The following TMEM74 variants were observed in gnomAD, a reference collection of about 807,000 sequenced individuals.
TMEM74 encodes transmembrane protein 74.
Under a neutral mutation model 18.1 loss-of-function variants are expected in TMEM74, and 13 were observed. The ratio of observed to expected loss-of-function variants is 0.72; its 90% CI spans 0.47 to 1.14. The LOEUF (loss-of-function observed/expected upper bound fraction) is 1.14, where lower values mean the gene tolerates loss of function less well. Ranked by LOEUF, TMEM74 falls within the 50% of genes most tolerant of loss-of-function variation. The probability of loss-of-function intolerance (pLI) is 0.00; values close to 1 mark genes in which losing one functional copy is unlikely to be tolerated. For missense variants in TMEM74, 372 were observed against 375.9 expected (o/e 0.99, Z 0.09); for synonymous variants, 159 against 146.6 (o/e 1.08, Z -0.61).
chr8:108,730,128 CATGAGCCTGCT>C (rs1813679168), intron 1 of TMEM74, among the ~76,000 whole-genome samples: 1 of 152,180 alleles, frequency 6.6e-6, no homozygotes, highest in Admixed American at 6.5e-5. Context: ...TCAGGGTTGG[CATGAGCCTGCT>C]AGTCTTTCTG....
At chr8:108,667,353 C>T (rs190950508) in intron 1 of TMEM74, among the ~76,000 whole-genome samples, 44 of 152,110 alleles carry the variant, frequency 2.9e-4, no homozygotes, top group African/African-American at 7.2e-4. Context: ...TGTATTTTCC[C>T]GTCATATGAT....
chr8:108,664,973 A>C (rs1420808804), intron 1 of TMEM74, among the ~76,000 whole-genome samples: 1 of 152,102 alleles, frequency 6.6e-6, no homozygotes, highest in Non-Finnish European at 1.5e-5. Context: ...GATTACAAGG[A>C]GATCAAGTGA....
rs767768892 is a variant in TMEM74, at chr8:108,784,394, C to G, written c.705G>C (p.Gly235=). ...CGCCCCCCAGCGTGAGGAGGCAGAG[C>G]CCCGCAATCACACAGCGGTCCAGGT... is the stretch of plus-strand genomic sequence containing the variant. The part of the protein sequence containing the change: ...GAHLDRCVIA[G]LCLLTLGGVI... Residue 235 remains glycine (G), a synonymous_variant, in exon 2 of 2, where the codon GGG becomes GGC. Coordinates refer to ENST00000297459, the MANE Select transcript of TMEM74 (RefSeq NM_153015.3). 2.0e-5 allele frequency: 32 copies of G among 1,613,972 alleles called. No homozygotes were observed. The highest frequency in any genetic ancestry group is 2.6e-5 in the Non-Finnish European group (31 of 1,180,036).
Position 108,740,821 on chromosome 8 carries a change from A to C in TMEM74, n.119+46655T>G, listed in dbSNP as rs200707228. Among the ~76,000 whole-genome samples, 5 of 152,124 alleles carry C rather than the reference A, an allele frequency of 3.3e-5. No homozygotes were observed. The East Asian group carries it at 9.7e-4, about 29-fold the overall frequency. Reference sequence around the variant, plus strand: ...AGCTGAACATGTGTCTACCCTAAAAACCAATAAGTTCTTGTCTATGATTTG... The same window carrying C: ...AGCTGAACATGTGTCTACCCTAAAACCCAATAAGTTCTTGTCTATGATTTG... On this transcript the variant is annotated intron_variant and non_coding_transcript_variant, in intron 1 of 3. Coordinates refer to the TMEM74 transcript ENST00000518838.
At chr8:108,618,475 AG>A (rs1812407764) in intron 2 of TMEM74, among the ~76,000 whole-genome samples, 2 of 152,312 alleles carry the variant, frequency 1.3e-5, no homozygotes, top group Middle Eastern at 3.4e-3. Context: ...ACCACATGAT[AG>A]ACAATCATAA....
chr8:108,646,144 T>A (rs1289515080), intron 2 of TMEM74, among the ~76,000 whole-genome samples: 1 of 149,738 alleles, frequency 6.7e-6, no homozygotes, highest in African/African-American at 2.5e-5. Context: ...GCTCAAGAAA[T>A]ATTTGTTAAA....
intron 1 of TMEM74, among the ~76,000 whole-genome samples, chr8:108,695,605 G>A (rs1773113831): frequency 6.6e-6 from 1 of 152,136 alleles, no homozygotes; most frequent in Non-Finnish European, 1.5e-5. Context: ...GCTGAGCCAG[G>A]AAACTGAATT....
At chr8:108,665,910 G>C (rs1812944703) in intron 1 of TMEM74, among the ~76,000 whole-genome samples, 1 of 152,162 alleles carries the variant, frequency 6.6e-6, no homozygotes, top group Non-Finnish European at 1.5e-5. Flanking sequence ...ATATATGAAA[G>C]ACAGGGGTAA....
At chr8:108,771,243 T>G (rs1238271894) in intron 1 of TMEM74, among the ~76,000 whole-genome samples, 1 of 152,194 alleles carries the variant, frequency 6.6e-6, no homozygotes, top group Non-Finnish European at 1.5e-5. Context: ...TTAACCTCTC[T>G]ACACTTCAAT....
chr8:108,741,948 A>G (rs1027767879), intron 1 of TMEM74, among the ~76,000 whole-genome samples: 1 of 152,230 alleles, frequency 6.6e-6, no homozygotes, highest in Non-Finnish European at 1.5e-5. Context: ...CAAATATACC[A>G]TGAAATACTA....
chr8:108,733,304 T>TG (rs1434463441), intron 1 of TMEM74, among the ~76,000 whole-genome samples: 8 of 152,060 alleles, frequency 5.3e-5, no homozygotes, highest in African/African-American at 1.4e-4. Context: ...CCTCATGCAG[T>TG]GGAAAAGCCA....
chr8:108,766,688 C>T (rs989190710), intron 1 of TMEM74, among the ~76,000 whole-genome samples: 2 of 152,082 alleles, frequency 1.3e-5, no homozygotes, highest in South Asian at 2.1e-4. Flanking sequence ...CTCACACAAT[C>T]GCAAGGTAAA....
chr8:108,673,597 G>T (rs1029012493), intron 1 of TMEM74, among the ~76,000 whole-genome samples: 1 of 152,194 alleles, frequency 6.6e-6, no homozygotes, highest in South Asian at 2.1e-4. Flanking sequence ...ACAGGAGCAC[G>T]TATTTTGGAG....
intron 1 of TMEM74, among the ~76,000 whole-genome samples, chr8:108,701,420 G>A (rs1813333646): frequency 1.3e-5 from 2 of 152,054 alleles, no homozygotes; most frequent in South Asian, 4.1e-4. Context: ...AAGAAATAAG[G>A]TTTACAGATT....
At chr8:108,760,224 G>A (rs1417315244) in intron 1 of TMEM74, among the ~76,000 whole-genome samples, 3 of 151,800 alleles carry the variant, frequency 2.0e-5, no homozygotes, top group African/African-American at 7.3e-5. Flanking sequence ...ATGACATTCA[G>A]AGCACTTTGA....
At chr8:108,705,559 T>C (rs748929462) in intron 1 of TMEM74, among the ~76,000 whole-genome samples, 30 of 152,218 alleles carry the variant, frequency 2.0e-4, no homozygotes, top group African/African-American at 5.8e-4. Flanking sequence ...GAACAGAATG[T>C]GGGATGGATC....
At chr8:108,634,128 C>T (rs1020944054) in intron 2 of TMEM74, among the ~76,000 whole-genome samples, 5 of 151,854 alleles carry the variant, frequency 3.3e-5, no homozygotes, top group Admixed American at 6.6e-5. Flanking sequence ...GGGCACAGAA[C>T]ACAAAGCAGT....
At chr8:108,639,681 C>T (rs1017574669) in intron 2 of TMEM74, among the ~76,000 whole-genome samples, 1 of 152,046 alleles carries the variant, frequency 6.6e-6, no homozygotes, top group Non-Finnish European at 1.5e-5. Context: ...ATAAATCTGA[C>T]CCCATATAAT....
intron 1 of TMEM74, among the ~76,000 whole-genome samples, chr8:108,759,888 C>G (rs994004381): frequency 6.6e-6 from 1 of 152,056 alleles, no homozygotes; most frequent in East Asian, 1.9e-4. Context: ...TCACACAGTT[C>G]AGTCGTCTAA....
Sources: gnomAD v4.1 joint callset for allele counts (sites outside exome capture counted in the v4.1 genomes callset) on GRCh38, gnomAD v4.1.1 for gene constraint, MANE v1.5 for transcripts, NCBI Gene and HGNC (gene_info 2026-07-23, HGNC 2026-07-21) for gene names.